Variants in C4orf54 observed in about 807,000 individuals in gnomAD.
C4orf54 encodes chromosome 4 open reading frame 54.
Under a neutral mutation model 80.1 loss-of-function variants are expected in C4orf54, and 67 were observed. The observed-to-expected ratio is 0.84, with a 90% CI of 0.69 to 1.03. C4orf54 has a LOEUF of 1.03. Ranked by LOEUF, C4orf54 falls within the 50% of genes least tolerant of loss-of-function variation. C4orf54 has a pLI of 0.00. For synonymous variants in C4orf54, 1,000 were observed against 917.0 expected (o/e 1.09, Z -1.64); for missense variants, 2,434 against 2,253.5 (o/e 1.08, Z -1.62).
At chr4:99,643,793 C>CACACACACACACACA (rs1553929797) in intron 2 of C4orf54, among the ~76,000 whole-genome samples, 8 of 75,232 alleles carry the variant, frequency 1.1e-4, no homozygotes, top group Admixed American at 1.7e-4. Context: ...CACACACACA[C>CACACACACACACACA]CCCCTCCGCG....
intron 1 of C4orf54, among the ~76,000 whole-genome samples, 122 bp from the exon 2 acceptor site, chr4:99,654,801 T>C (rs1000443770): frequency 3.3e-5 from 5 of 152,084 alleles, no homozygotes; most frequent in African/African-American, 9.7e-5. Context: ...AAAGAGAAGG[T>C]TGGGGGTGGA....
intron 1 of C4orf54, among the ~76,000 whole-genome samples, chr4:99,656,274 A>T (rs1210773202): frequency 6.6e-6 from 1 of 151,394 alleles, no homozygotes; most frequent in Non-Finnish European, 1.5e-5. Context: ...GTTTTTTTTT[A>T]TCTTAGTTTT....
rs2110258065 is a variant in C4orf54 at position 99,654,406 on chromosome 4, T to C, written c.243A>G (p.Pro81=). The C allele has an allele frequency of 1.2e-6, 1 of 851,490 alleles. No homozygotes were observed. Among genetic ancestry groups the C allele is most frequent in the South Asian group, 1.4e-5 (1 of 70,560 alleles). 52.7% of individuals were successfully genotyped at this position (851,490 alleles called of 1,614,324 possible). A position where few individuals can be genotyped will look rare whatever the true frequency, so the allele number is the denominator to read the frequency against. ...PTSLRLAAAP[P]QGLKNWEVVA... is the part of the protein sequence containing the mutation. The stretch of plus-strand genomic sequence containing the variant: ...CCACCTCCCAGTTCTTCAGCCCCTG[T>C]GGCGGGGCCGCAGCAAGCCTGAGGG... Residue 81 remains proline, a synonymous_variant, in exon 2 of 3, where the codon CCA becomes CCG. Transcript: ENST00000511828.
chr4:99,644,298 C>A (rs1726661531), intron 2 of C4orf54, among the ~76,000 whole-genome samples: 1 of 151,792 alleles, frequency 6.6e-6, no homozygotes, highest in Non-Finnish European at 1.5e-5. Flanking sequence ...CTTTTAATTT[C>A]TTATTAATTT....
rs1463780521 is a variant in C4orf54, at chr4:99,649,773, T to C, written c.4876A>G (p.Thr1626Ala). ...CTCCGGGTCATGGGCTGTACTGGTG[T>C]GTCCACCAGATAGTACTGGCCTGTT... ...VTTGQYYLVD[T>A]PVQPMTRRLF... The change falls in exon 2 of 3, where the codon ACA becomes GCA. Residue 1626 changes from threonine to alanine, a missense_variant. Coordinates refer to ENST00000511828, the MANE Select transcript of C4orf54 (RefSeq NM_001354435.2). 2 of 1,536,222 alleles carry C rather than the reference T, an allele frequency of 1.3e-6. No homozygotes were observed. The highest frequency in any genetic ancestry group is 1.4e-5 in the African/African-American group (1 of 73,162).
At chr4:99,655,783 C>T (rs1369111552) in intron 1 of C4orf54, among the ~76,000 whole-genome samples, 1 of 152,198 alleles carries the variant, frequency 6.6e-6, no homozygotes, top group African/African-American at 2.4e-5. Context: ...TGTCACCTGC[C>T]AGGCCCAGTT....
In C4orf54 at chr4:99,653,605, G is replaced by A. The variant is rs1726905679; in HGVS notation, c.1044C>T (p.Asp348=). The change falls in exon 2 of 3, where the codon GAC becomes GAT. Residue 348 remains aspartate (D), a synonymous_variant. Transcript: ENST00000511828. ...TGCTGCCCTGGGACTTGGCAATAAT[G>A]TCCCTGCACTCTGTTCCATCTCCTG... ...GGAGDGTECR[D]IIAKSQGSRD... is the part of the protein sequence containing the mutation. The A allele has an allele frequency of 6.5e-7, 1 of 1,535,912 alleles. No homozygotes were observed. The highest frequency in any genetic ancestry group is 8.7e-7 in the Non-Finnish European group (1 of 1,146,848).
rs1726842956 is a variant in C4orf54 at position 99,651,928 on chromosome 4, G to GT, written c.2720dup (p.Asn907LysfsTer17). On this transcript the variant is annotated frameshift_variant, in exon 2 of 3. Coordinates refer to ENST00000511828, the MANE Select transcript of C4orf54 (RefSeq NM_001354435.2). LOFTEE classifies it high-confidence loss of function. ...CGGTGAAATTCCGGCCAGGGCCTGC[G>GT]TTGCGCTCGCGAGGAGTACTGGCTT... 1 of 1,536,022 alleles carries GT rather than the reference G, an allele frequency of 6.5e-7. No homozygotes were observed. The highest frequency in any genetic ancestry group is 2.0e-5 in the Admixed American group (1 of 50,984).
At chr4:99,646,282 G>A (rs1196516831) in intron 2 of C4orf54, among the ~76,000 whole-genome samples, 1 of 152,168 alleles carries the variant, frequency 6.6e-6, no homozygotes, top group Non-Finnish European at 1.5e-5. Context: ...CCTAATTTGT[G>A]TTATCCGTAT....
At position 99,650,893 on chromosome 4, in the gene C4orf54, A is replaced by C; in HGVS notation, c.3756T>G (p.Asn1252Lys). ...EEGKATKPARNALEKLTAAVR... is the reference protein window; with the variant it reads ...EEGKATKPARKALEKLTAAVR... Reference sequence around the variant, plus strand: ...CGGCTGCAGTCAGCTTCTCCAGGGCATTCCGGGCTGGCTTCGTGGCTTTCC... The same window carrying C: ...CGGCTGCAGTCAGCTTCTCCAGGGCCTTCCGGGCTGGCTTCGTGGCTTTCC... The change falls in exon 2 of 3, where the codon AAT (asparagine) becomes AAG (lysine). Residue 1252 changes from asparagine (N) to lysine (K), a missense_variant. Asn to Lys is a moderately conservative substitution (Grantham distance 94, BLOSUM62 0). Transcript: ENST00000511828. 1 of 1,535,976 alleles carries C rather than the reference A, an allele frequency of 6.5e-7. No individual in the cohort carries two copies.
intron 2 of C4orf54, among the ~76,000 whole-genome samples, chr4:99,646,116 C>A (rs892856955): frequency 6.6e-6 from 1 of 151,598 alleles, no homozygotes; most frequent in African/African-American, 2.4e-5. Context: ...CGGGAAGGAA[C>A]AAAAGTGAAG....
At chr4:99,656,021 C>A (rs938119591) in intron 1 of C4orf54, among the ~76,000 whole-genome samples, 1 of 152,130 alleles carries the variant, frequency 6.6e-6, no homozygotes, top group African/African-American at 2.4e-5. Flanking sequence ...GGGCTGTGGA[C>A]AACACAAGCC....
chr4:99,652,208 T>C lies in C4orf54; in HGVS notation c.2441A>G (p.Lys814Arg), dbSNP rs902906941. The C allele has an allele frequency of 5.2e-6, 8 of 1,535,826 alleles. No individual in the cohort carries two copies. The highest frequency in any genetic ancestry group is 7.0e-6 in the Non-Finnish European group (8 of 1,146,846). Residue 814 changes from lysine to arginine, a missense_variant, in exon 2 of 3, where the codon AAA becomes AGA. Lys to Arg is a conservative substitution (Grantham distance 26). Coordinates refer to ENST00000511828, the MANE Select transcript of C4orf54 (RefSeq NM_001354435.2). ...CTGCATCTTCTTGGAAATGACATTT[T>C]TGAGCAGACTGGAGGCGAACTTGGA... ...QKSKFASSLLKNVISKKMQRE... is the reference protein window; with the variant it reads ...QKSKFASSLLRNVISKKMQRE...
Position 99,649,247 on chromosome 4 carries a change from C to T in C4orf54, c.*20G>A, listed in dbSNP as rs527782329. The T allele has an allele frequency of 5.2e-4, 760 of 1,475,686 alleles. 2 individuals are homozygous for T. The highest frequency in any genetic ancestry group is 6.4e-4 in the Non-Finnish European group (720 of 1,116,712). The allele number at this position is 1,475,686 out of a possible 1,614,324, so 91.4% of individuals were successfully genotyped here. The stretch of plus-strand genomic sequence containing the variant: ...TTCACTTACCAGCAGTTTTTCATTC[C>T]GCTTCCTGGTGGCTGCTCATCATCT... On this transcript the variant is annotated 3_prime_UTR_variant, in exon 2 of 3. Transcript: ENST00000511828.
rs942042749 is a variant in C4orf54, at chr4:99,652,033, G to A, written c.2616C>T (p.Ala872=). 2 of 1,536,110 alleles carry A rather than the reference G, an allele frequency of 1.3e-6. No individual in the cohort carries two copies. The highest frequency in any genetic ancestry group is 1.7e-6 in the Non-Finnish European group (2 of 1,146,900). The change falls in exon 2 of 3, where the codon GCC becomes GCT. Residue 872 remains alanine (A), a synonymous_variant. Coordinates refer to ENST00000511828, the MANE Select transcript of C4orf54 (RefSeq NM_001354435.2). The part of the protein sequence containing the change: ...LQRQSSRHSE[A]GSEYTVVSMS... ...TGCTGACCACTGTGTACTCGGAGCC[G>A]GCCTCGGAGTGACGAGAGCTCTGCC...
Position 99,650,455 on chromosome 4 carries a change from G to T in C4orf54, c.4194C>A (p.Phe1398Leu), listed in dbSNP as rs769092348. The change falls in exon 2 of 3, where the codon TTC becomes TTA. Residue 1398 changes from phenylalanine (F) to leucine (L), a missense_variant. By Grantham distance (22) the Phe-to-Leu change is conservative (BLOSUM62 0). Coordinates refer to ENST00000511828, the MANE Select transcript of C4orf54 (RefSeq NM_001354435.2). ...TCTGGATGCTGCTGGCACTCACTGT[G>T]AACACGTTCCGGTTGCTGGGGAGTG... ...LPPLPSNRNV[F>L]TVSASSIQKT... 6.5e-7 allele frequency: 1 copy of T among 1,535,872 alleles called. No homozygotes were observed. Among genetic ancestry groups the T allele is most frequent in the Non-Finnish European group, 8.7e-7 (1 of 1,146,656 alleles).
Position 99,637,535 on chromosome 4 carries a change from A to T in C4orf54, c.*3698T>A, listed in dbSNP as rs942507220. On this transcript the variant is annotated 3_prime_UTR_variant, in exon 3 of 3. Coordinates refer to ENST00000511828, the MANE Select transcript of C4orf54 (RefSeq NM_001354435.2). Reference sequence around the variant, plus strand: ...TATGCACCTGTGAGGTCTACTTAGGACCCAGAAGCTAGTTAAGAATATATA... The same window carrying T: ...TATGCACCTGTGAGGTCTACTTAGGTCCCAGAAGCTAGTTAAGAATATATA... 10 of 152,174 alleles carry T rather than the reference A, an allele frequency of 6.6e-5. No homozygotes were observed. Among genetic ancestry groups the T allele is most frequent in the Admixed American group, 6.5e-5 (1 of 15,270 alleles). The allele number at this position is 152,174 out of a possible 1,614,324, so 9.4% of individuals were successfully genotyped here. A position where few individuals can be genotyped will look rare whatever the true frequency, so the allele number is the denominator to read the frequency against.
Position 99,641,103 on chromosome 4 carries a change from A to C in C4orf54, c.*130T>G, listed in dbSNP as rs1403097606. Reference sequence around the variant, plus strand: ...AAGAAGCAAAAATTAAGAATAACACATGTGGAAGAAGTTTTTCAGATGAAA... The same window carrying C: ...AAGAAGCAAAAATTAAGAATAACACCTGTGGAAGAAGTTTTTCAGATGAAA... On this transcript the variant is annotated 3_prime_UTR_variant, in exon 3 of 3. Coordinates refer to ENST00000511828, the MANE Select transcript of C4orf54 (RefSeq NM_001354435.2). The C allele has an allele frequency of 1.3e-5, 2 of 152,164 alleles. No individual in the cohort carries two copies. The highest frequency in any genetic ancestry group is 4.8e-5 in the African/African-American group (2 of 41,456). 9.4% of individuals were successfully genotyped at this position (152,164 alleles called of 1,614,324 possible). A position where few individuals can be genotyped will look rare whatever the true frequency, so the allele number is the denominator to read the frequency against.
Position 99,650,650 on chromosome 4 carries a change from T to C in C4orf54, c.3999A>G (p.Arg1333=). ...GTGNKAGVVL[R]GAPIERLQRR... is the part of the protein sequence containing the mutation. The stretch of plus-strand genomic sequence containing the variant: ...GCTGCAGACGTTCTATGGGGGCCCC[T>C]CGCAGGACCACACCAGCTTTGTTTC... The change falls in exon 2 of 3, where the codon CGA becomes CGG. Residue 1333 remains arginine (R), a synonymous_variant. Coordinates refer to ENST00000511828, the MANE Select transcript of C4orf54 (RefSeq NM_001354435.2). 6.5e-7 allele frequency: 1 copy of C among 1,536,096 alleles called. No homozygotes were observed. Among genetic ancestry groups the C allele is most frequent in the Non-Finnish European group, 8.7e-7 (1 of 1,146,896 alleles).
Sources: gnomAD v4.1 joint callset for allele counts (sites outside exome capture counted in the v4.1 genomes callset) on GRCh38, gnomAD v4.1.1 for gene constraint, MANE v1.5 for transcripts, NCBI Gene and HGNC (gene_info 2026-07-23, HGNC 2026-07-21) for gene names.